The following FLI1 variants were observed in gnomAD, a reference collection of about 807,000 sequenced individuals.
FLI1 encodes Friend leukemia integration 1 transcription factor.
A neutral mutation model predicts 53.1 loss-of-function variants in FLI1; 13 were observed. The observed-to-expected ratio is 0.24, with a 90% CI of 0.16 to 0.39. The LOEUF (loss-of-function observed/expected upper bound fraction) is 0.39, where lower values mean the gene tolerates loss of function less well. Among genes scored for constraint, FLI1 ranks in the 10% least tolerant of loss-of-function variants. The probability of loss-of-function intolerance (pLI) is 1.00; values close to 1 mark genes in which losing one functional copy is unlikely to be tolerated. For missense variants in FLI1, 424 were observed against 600.5 expected (o/e 0.71, Z 3.07); for synonymous variants, 244 against 236.7 (o/e 1.03, Z -0.28).
chr11:128,721,392 A>C (rs1939244295), intron 1 of FLI1, among the ~76,000 whole-genome samples: 1 of 152,216 alleles, frequency 6.6e-6, no homozygotes, highest in African/African-American at 2.4e-5. Flanking sequence ...AAAAGAGAAG[A>C]AACTAGAATT....
At chr11:128,693,787 G>A, upstream of FLI1, 1 of 234,226 alleles carries the variant, frequency 4.3e-6, no homozygotes, top group Non-Finnish European at 8.4e-6. Flanking sequence ...AGTATCCTGT[G>A]TGCGCAGCGC....
chr11:128,699,674 C>T (rs617274), intron 1 of FLI1, among the ~76,000 whole-genome samples: 62,667 of 152,050 alleles, frequency 0.41, 13,060 homozygotes, highest in Admixed American at 0.44. Flanking sequence ...AGTGATGTCA[C>T]TCTTTGTGTA....
At position 128,766,578 on chromosome 11, in the gene FLI1, T is replaced by C. The variant is rs71481821; in HGVS notation, c.231-1540T>C. On this transcript the variant is annotated intron_variant, in intron 2 of 8. Transcript: ENST00000527786. Reference sequence around the variant, plus strand: ...CTTTCAGATTAAGAAACAAATTCATTTAATTTTCTTTATTGAATGTGCTCA... The same window carrying C: ...CTTTCAGATTAAGAAACAAATTCATCTAATTTTCTTTATTGAATGTGCTCA... Among the ~76,000 whole-genome samples the C allele has an allele frequency of 7.1e-3, 1,078 of 152,138 alleles. 7 individuals carry two copies. The highest frequency in any genetic ancestry group is 9.5e-3 in the Non-Finnish European group (645 of 68,002).
chr11:128,764,330 C>A lies in FLI1; in HGVS notation c.231-3788C>A, dbSNP rs12273559. Among the ~76,000 whole-genome samples, 4,069 of 152,300 alleles carry A rather than the reference C, an allele frequency of 0.027. 164 individuals are homozygous for A. The highest frequency in any genetic ancestry group is 0.092 in the African/African-American group (3,825 of 41,552). On this transcript the variant is annotated intron_variant, in intron 2 of 8. Transcript: ENST00000527786. ...CACACACAAACAGAACTCGAGGAGT[C>A]AAGAGCTATGTCCAGTGGTGGAAAT...
chr11:128,769,584 T>C (rs1172780427), intron 3 of FLI1, among the ~76,000 whole-genome samples: 1 of 152,074 alleles, frequency 6.6e-6, no homozygotes, highest in East Asian at 1.9e-4. Flanking sequence ...TGGGCCAAAT[T>C]CAAGAAGGTG....
chr11:128,791,700 C>G (rs970834788), intron 5 of FLI1, among the ~76,000 whole-genome samples: 26 of 152,330 alleles, frequency 1.7e-4, no homozygotes, highest in African/African-American at 6.0e-4. Flanking sequence ...CCTTTCCTCC[C>G]TACCCTGCCC....
intron 4 of FLI1, among the ~76,000 whole-genome samples, chr11:128,781,565 A>T (rs1941916724): frequency 6.6e-6 from 1 of 152,234 alleles, no homozygotes; most frequent in South Asian, 2.1e-4. Context: ...AGACATGTCA[A>T]GTCACTCACC....
At chr11:128,699,439 C>A (rs1938227103) in intron 1 of FLI1, among the ~76,000 whole-genome samples, 1 of 152,092 alleles carries the variant, frequency 6.6e-6, no homozygotes, top group Non-Finnish European at 1.5e-5. Flanking sequence ...ATTAAGTAGG[C>A]TAAGGGACAT....
intron 1 of FLI1, among the ~76,000 whole-genome samples, chr11:128,712,076 G>T (rs1938802591): frequency 6.6e-6 from 1 of 152,170 alleles, no homozygotes; most frequent in African/African-American, 2.4e-5. Flanking sequence ...CAGTGTTGGA[G>T]GTGGGGCCTG....
intron 4 of FLI1, among the ~76,000 whole-genome samples, chr11:128,774,915 G>C (rs1050615051): frequency 2.9e-5 from 4 of 137,676 alleles, no homozygotes; most frequent in African/African-American, 1.0e-4. Flanking sequence ...TATTGGAGAA[G>C]AGCAGATAAC....
At chr11:128,704,150 T>A (rs1938459707) in intron 1 of FLI1, among the ~76,000 whole-genome samples, 1 of 152,230 alleles carries the variant, frequency 6.6e-6, no homozygotes, top group Non-Finnish European at 1.5e-5. Flanking sequence ...GCTCTCATGT[T>A]CATTTGACTC....
intron 5 of FLI1, among the ~76,000 whole-genome samples, chr11:128,789,769 C>T (rs753174120): frequency 6.6e-6 from 1 of 151,898 alleles, no homozygotes; most frequent in Non-Finnish European, 1.5e-5. Context: ...TAGAGTGCAG[C>T]GTATGGGGGC....
chr11:128,699,274 A>AT (rs1373564891), intron 1 of FLI1, among the ~76,000 whole-genome samples: 1 of 152,234 alleles, frequency 6.6e-6, no homozygotes. Flanking sequence ...CTTTCTAGGT[A>AT]TATAGCATTA....
rs61733405 is a variant in FLI1 at position 128,810,571 on chromosome 11, C to G, written c.942C>G (p.Pro314=). 0.026 allele frequency: 42,331 copies of G among 1,613,212 alleles called. 708 individuals carry two copies. Among genetic ancestry groups the G allele is most frequent in the Non-Finnish European group, 0.029 (33,783 of 1,179,606 alleles). Residue 314 remains proline (P), a synonymous_variant, in exon 9 of 9, where the codon CCC becomes CCG. Coordinates refer to ENST00000527786, the MANE Select transcript of FLI1 (RefSeq NM_002017.5). The surrounding 1 kb of genome is among the most constrained non-coding windows in gnomAD (Gnocchi z 6.6). The part of the protein sequence containing the change: ...GTNGEFKMTD[P]DEVARRWGER... ...ACGGGGAGTTCAAAATGACGGACCC[C>G]GATGAGGTGGCCAGGCGCTGGGGCG...
intron 1 of FLI1, among the ~76,000 whole-genome samples, chr11:128,723,372 C>T (rs1219434413): frequency 5.3e-5 from 8 of 152,148 alleles, no homozygotes; most frequent in Non-Finnish European, 7.4e-5. Context: ...GAAGGCCCAT[C>T]TCCATGGGTG....
Position 128,785,212 on chromosome 11 carries a change from G to A in FLI1, c.655+3189G>A, listed in dbSNP as rs566813786. On this transcript the variant is annotated intron_variant, in intron 5 of 8. Transcript: ENST00000527786. ...CTACCTTTAGTTTATCAAGGCTAAG[G>A]CACTTAAAAAAATAAACTAGGATAA... Among the ~76,000 whole-genome samples the A allele has an allele frequency of 1.9e-4, 29 of 151,914 alleles. 2 individuals carry two copies. In the South Asian group the frequency reaches 6.0e-3, roughly 32 times the overall value.
chr11:128,773,881 A>G (rs1420267876), intron 4 of FLI1, among the ~76,000 whole-genome samples: 3 of 151,988 alleles, frequency 2.0e-5, no homozygotes, highest in Non-Finnish European at 4.4e-5. Flanking sequence ...ACGTAAGAGC[A>G]TTCTAGCAGC....
chr11:128,781,815 G>A (rs766697363), intron 4 of FLI1, 143 bp from the exon 5 acceptor site: 10 of 675,894 alleles, frequency 1.5e-5, no homozygotes, highest in Non-Finnish European at 2.2e-5. Flanking sequence ...GATTCCATTC[G>A]CTTTTCCTTT....
rs186947615 is a variant in FLI1, at chr11:128,716,248, A to C, written c.18+21972A>C. On this transcript the variant is annotated intron_variant, in intron 1 of 8. Transcript: ENST00000527786. ...AAATTCTGGACCTCCTTCTCTCCCC[A>C]CCCCCTCCAAGCCAAAATGTCAGAA... 4.6e-4 allele frequency among the ~76,000 whole-genome samples: 70 copies of C among 152,022 alleles called. 1 individual carries two copies. The East Asian group carries it at 0.013, about 27-fold the overall frequency.
Sources: gnomAD v4.1 joint callset for allele counts (sites outside exome capture counted in the v4.1 genomes callset) on GRCh38, gnomAD v4.1.1 for gene constraint, Gnocchi (gnomAD v3.1) non-coding constraint, MANE v1.5 for transcripts, NCBI Gene and HGNC (gene_info 2026-07-23, HGNC 2026-07-21) for gene names.